AGXT2: variants seen among roughly 807,000 people sequenced by gnomAD.
AGXT2 encodes alanine--glyoxylate aminotransferase 2, mitochondrial.
A neutral mutation model predicts 62.5 loss-of-function variants in AGXT2; 61 were observed. That is an observed-to-expected ratio of 0.98 (90% confidence interval 0.79 to 1.21). The LOEUF is 1.21. Among genes scored for constraint, AGXT2 ranks in the 50% most tolerant of loss-of-function variants. The pLI is 0.00. For missense variants in AGXT2, 666 were observed against 641.5 expected (o/e 1.04, Z -0.41); for synonymous variants, 243 against 218.7 (o/e 1.11, Z -0.98).
At chr5:35,031,844 T>C (rs1767565509) in intron 7 of AGXT2, among the ~76,000 whole-genome samples, 1 of 151,598 alleles carries the variant, frequency 6.6e-6, no homozygotes, top group Non-Finnish European at 1.5e-5. Flanking sequence ...TTTCCCTCTT[T>C]CCACTGGTAT....
At chr5:35,034,351 A>G (rs1262819221) in intron 5 of AGXT2, among the ~76,000 whole-genome samples, 1 of 152,188 alleles carries the variant, frequency 6.6e-6, no homozygotes, top group Non-Finnish European at 1.5e-5. Context: ...TAATACATCA[A>G]TCACAATTCT....
At chr5:35,047,743 A>G in intron 1 of AGXT2, 62 bp downstream of exon 1, 3 of 1,589,640 alleles carry the variant, frequency 1.9e-6, no homozygotes, top group Non-Finnish European at 2.6e-6. Context: ...CAGCCTTCGG[A>G]GCTCAAGTCT....
intron 4 of AGXT2, among the ~76,000 whole-genome samples, chr5:35,035,894 T>C (rs558556437): frequency 6.6e-6 from 1 of 152,108 alleles, no homozygotes; most frequent in Non-Finnish European, 1.5e-5. Context: ...CTGGCCATCA[T>C]GGTGAAACCC....
At chr5:35,046,135 C>T (rs1218292545) in intron 1 of AGXT2, among the ~76,000 whole-genome samples, 2 of 152,240 alleles carry the variant, frequency 1.3e-5, no homozygotes, top group East Asian at 1.9e-4. Context: ...GCGTCGCCAA[C>T]GAGTTGCTCA....
chr5:35,026,699 A>G (rs768644679), intron 7 of AGXT2, among the ~76,000 whole-genome samples, 189 bp from the exon 8 acceptor site: 8 of 152,170 alleles, frequency 5.3e-5, no homozygotes, highest in Admixed American at 1.3e-4. Context: ...CTCTCTGAAC[A>G]ACTTGTACTT....
At chr5:35,019,442 A>G (rs1159040018) in intron 9 of AGXT2, among the ~76,000 whole-genome samples, 1 of 151,158 alleles carries the variant, frequency 6.6e-6, no homozygotes, top group African/African-American at 2.4e-5. Context: ...GCTCAACTAC[A>G]TGGAAACTGA....
At chr5:35,033,897 G>T (rs973731515) in intron 5 of AGXT2, among the ~76,000 whole-genome samples, 2 of 152,098 alleles carry the variant, frequency 1.3e-5, no homozygotes, top group African/African-American at 4.8e-5. Flanking sequence ...AGTCTTCGAA[G>T]TAGTCGCTTT....
intron 9 of AGXT2, among the ~76,000 whole-genome samples, chr5:35,018,376 C>T (rs865782300): frequency 6.2e-4 from 95 of 152,294 alleles, no homozygotes; most frequent in Admixed American, 1.6e-3. Context: ...GCAGATCTAT[C>T]GGCAGAAACT....
intron 12 of AGXT2, among the ~76,000 whole-genome samples, chr5:35,005,281 T>C (rs1311029203): frequency 1.3e-5 from 2 of 152,186 alleles, no homozygotes; most frequent in Non-Finnish European, 2.9e-5. Context: ...CAGGCTGCAG[T>C]GCAGTGGTGC....
At chr5:35,015,092 C>A (rs149200793) in intron 9 of AGXT2, among the ~76,000 whole-genome samples, 4 of 152,140 alleles carry the variant, frequency 2.6e-5, no homozygotes, top group Admixed American at 2.6e-4. Flanking sequence ...TTTGTCTCAC[C>A]GACTTCTTCT....
At chr5:35,020,117 G>T (rs545721015) in intron 9 of AGXT2, among the ~76,000 whole-genome samples, 1 of 152,200 alleles carries the variant, frequency 6.6e-6, no homozygotes. Context: ...GGACCAGAAG[G>T]ATTCACAGCG....
chr5:35,000,774 C>T (rs931751501), intron 13 of AGXT2, among the ~76,000 whole-genome samples: 46 of 152,226 alleles, frequency 3.0e-4, no homozygotes, highest in Admixed American at 2.7e-3. Context: ...GAGATTTCCT[C>T]ATCTCACTGT....
intron 9 of AGXT2, among the ~76,000 whole-genome samples, chr5:35,025,373 T>C (rs1325362281): frequency 2.0e-5 from 3 of 152,186 alleles, no homozygotes; most frequent in Non-Finnish European, 2.9e-5. Flanking sequence ...CGAGACTTTG[T>C]CTCAAAATAA....
In AGXT2 at chr5:35,014,345, C is replaced by T. The variant is rs190627264; in HGVS notation, c.964-226G>A. On this transcript the variant is annotated intron_variant, in intron 9 of 13. Coordinates refer to ENST00000231420, the MANE Select transcript of AGXT2 (RefSeq NM_031900.4). ...GCAGGTGCCTGTAATCCCAGCTACT[C>T]GGGAGGCTGAGACAGGAGAATCGCT... Among the ~76,000 whole-genome samples the T allele has an allele frequency of 7.5e-3, 1,080 of 144,800 alleles. 7 individuals are homozygous for T. Among genetic ancestry groups the T allele is most frequent in the Admixed American group, 0.012 (173 of 13,916 alleles). The allele number at this position is 144,800 out of a possible 152,430, so 95.0% of individuals were successfully genotyped here.
rs1766113689 is a variant in AGXT2, at chr5:34,998,597, C to T, written c.*122G>A. 1.3e-6 allele frequency: 1 copy of T among 777,358 alleles called. No homozygotes were observed. Among genetic ancestry groups the T allele is most frequent in the Non-Finnish European group, 2.2e-6 (1 of 459,102 alleles). The allele number at this position is 777,358 out of a possible 1,614,324, so 48.2% of individuals were successfully genotyped here. A position where few individuals can be genotyped will look rare whatever the true frequency, so the allele number is the denominator to read the frequency against. ...GGTAGGCAGTCAACCATGACTTTTA[C>T]AGCTCCTGTGGAGAGCTGCAGGCTT... is the stretch of plus-strand genomic sequence containing the variant. On this transcript the variant is annotated 3_prime_UTR_variant, in exon 14 of 14. Transcript: ENST00000231420.
intron 1 of AGXT2, among the ~76,000 whole-genome samples, chr5:35,042,748 G>C (rs920017938): frequency 1.3e-5 from 2 of 151,020 alleles, no homozygotes; most frequent in Non-Finnish European, 2.9e-5. Flanking sequence ...GTGTGTGTGT[G>C]TGTGTGTGTG....
At chr5:35,033,667 C>A in intron 5 of AGXT2, 114 bp from the exon 6 acceptor site, 1 of 784,344 alleles carries the variant, frequency 1.3e-6, no homozygotes, top group East Asian at 2.6e-5. Context: ...TCGCATTCAC[C>A]TCTGATTTCT....
chr5:35,010,489 CCAA>C (rs1766592196), intron 11 of AGXT2, among the ~76,000 whole-genome samples: 1 of 151,752 alleles, frequency 6.6e-6, no homozygotes, highest in Admixed American at 6.6e-5. Flanking sequence ...ACCAGCCTGG[CCAA>C]TAGGGTGAAA....
chr5:35,013,670 T>A (rs145637548), intron 10 of AGXT2, among the ~76,000 whole-genome samples: 22 of 151,832 alleles, frequency 1.4e-4, no homozygotes, highest in African/African-American at 5.3e-4. Flanking sequence ...TAATCGCAGC[T>A]ACTCAGGAGG....
Sources: gnomAD v4.1 joint callset for allele counts (sites outside exome capture counted in the v4.1 genomes callset) on GRCh38, gnomAD v4.1.1 for gene constraint, MANE v1.5 for transcripts, NCBI Gene and HGNC (gene_info 2026-07-23, HGNC 2026-07-21) for gene names.